USP45: variants seen among roughly 807,000 people sequenced by gnomAD.
USP45 encodes ubiquitin specific peptidase 45.
A neutral mutation model predicts 95.8 loss-of-function variants in USP45; 89 were observed. That is an observed-to-expected ratio of 0.93 (90% CI 0.78 to 1.11). USP45 has a LOEUF of 1.11. Among genes scored for constraint, USP45 ranks in the 50% least tolerant of loss-of-function variants. USP45 has a pLI of 0.00. For synonymous variants in USP45, 281 were observed against 316.2 expected, an observed-to-expected ratio of 0.89 and a Z score of 1.18; for missense variants, 898 against 942.5, an observed-to-expected ratio of 0.95 and a Z score of 0.62.
At chr6:99,511,845 GTATATATA>G (rs751350306) in intron 1 of USP45, among the ~76,000 whole-genome samples, 32 of 22,806 alleles carry the variant, frequency 1.4e-3, no homozygotes, top group Admixed American at 2.9e-3. Context: ...GTGAGTGTGT[GTATATATA>G]TATATATATA....
At chr6:99,511,845 GTATATA>G (rs751350306) in intron 1 of USP45, among the ~76,000 whole-genome samples, 84 of 22,790 alleles carry the variant, frequency 3.7e-3, no homozygotes, top group South Asian at 8.5e-3. Context: ...GTGAGTGTGT[GTATATA>G]TATATATATA....
chr6:99,463,710 G>T (rs1012606328), intron 13 of USP45, among the ~76,000 whole-genome samples: 1 of 150,176 alleles, frequency 6.7e-6, no homozygotes, highest in East Asian at 2.0e-4. Context: ...TACTCAGGAG[G>T]CTGAGGCAGG....
In USP45 at chr6:99,464,612, T is replaced by G. The variant is rs149230868; in HGVS notation, c.1300A>C (p.Lys434Gln). ...GATGCTTATGGTCTTACCTTATCTTTAGATGAAGAATGCTTCTTGGCAGCT... is the reference window on the plus strand; with the variant it reads ...GATGCTTATGGTCTTACCTTATCTTGAGATGAAGAATGCTTCTTGGCAGCT... ...PRAAKKHSSS[K>Q]DKSQLIHDRK... The change falls in exon 13 of 18, where the codon AAA becomes CAA. Residue 434 changes from lysine (K) to glutamine (Q), a missense_variant. Coordinates refer to ENST00000500704, the MANE Select transcript of USP45 (RefSeq NM_001346022.3). 4 of 1,610,944 alleles carry G rather than the reference T, an allele frequency of 2.5e-6. No individual in the cohort carries two copies. The highest frequency in any genetic ancestry group is 3.4e-5 in the Admixed American group (2 of 59,408).
rs756856545 is a variant in USP45 at position 99,446,149 on chromosome 6, T to C, written c.1623A>G (p.Lys541=). The change falls in exon 14 of 18, where the codon AAA becomes AAG. Residue 541 remains lysine, a synonymous_variant. Coordinates refer to ENST00000500704, the MANE Select transcript of USP45 (RefSeq NM_001346022.3). ...TGTCAGTCTCCTTGGTGTACAGCAG[T>C]TTACCTGCTGACAGAGGGTAAAGGG... The part of the protein sequence containing the change: ...DGPLYPLSAG[K]LLYTKETDSG... 2 of 1,614,022 alleles carry C rather than the reference T, an allele frequency of 1.2e-6. No individual in the cohort carries two copies. The highest frequency in any genetic ancestry group is 2.7e-5 in the African/African-American group (2 of 74,926).
At chr6:99,463,792 C>T (rs1787147088) in intron 13 of USP45, among the ~76,000 whole-genome samples, 1 of 94,122 alleles carries the variant, frequency 1.1e-5, no homozygotes, top group Admixed American at 1.3e-4. Flanking sequence ...CAGAGCGAGA[C>T]TCCATCTCAA....
intron 8 of USP45, among the ~76,000 whole-genome samples, chr6:99,481,261 G>A (rs1362274541): frequency 6.6e-6 from 1 of 152,142 alleles, no homozygotes. Flanking sequence ...TATCAAGCAA[G>A]TTGCAAAAAA....
At position 99,515,090 on chromosome 6, in the gene USP45, G is replaced by A. The variant is rs527646936; in HGVS notation, c.-11+302C>T. ...GTGAAGAGAAATGCGCCGCGATGAGGCGGACGGAAAGGTGTGGGGCCGCCG... is the reference window on the plus strand; with the variant it reads ...GTGAAGAGAAATGCGCCGCGATGAGACGGACGGAAAGGTGTGGGGCCGCCG... On this transcript the variant is annotated intron_variant, in intron 1 of 17. Transcript: ENST00000500704. The A allele has an allele frequency of 2.0e-5, 3 of 152,478 alleles. No homozygotes were observed. In the East Asian group the frequency reaches 5.8e-4, roughly 29 times the overall value. 9.4% of individuals were successfully genotyped at this position (152,478 alleles called of 1,614,324 possible).
In USP45 at chr6:99,438,118, G is replaced by A. The variant is rs183316647; in HGVS notation, c.2161-719C>T. Among the ~76,000 whole-genome samples, 62 of 152,232 alleles carry A rather than the reference G, an allele frequency of 4.1e-4. 1 individual carries two copies. Among genetic ancestry groups the A allele is most frequent in the East Asian group, 1.9e-3 (10 of 5,178 alleles). On this transcript the variant is annotated intron_variant, in intron 16 of 17. Coordinates refer to ENST00000500704, the MANE Select transcript of USP45 (RefSeq NM_001346022.3). ...AGGATTATCTGTAATATCAAAACAC[G>A]AATTAAAATGTCTATAAATTGGGGA...
chr6:99,513,740 G>T (rs866482749), intron 1 of USP45, among the ~76,000 whole-genome samples: 1 of 152,310 alleles, frequency 6.6e-6, no homozygotes, highest in Middle Eastern at 3.4e-3. Context: ...CATATGTAAT[G>T]TCTAAACAGA....
intron 5 of USP45, among the ~76,000 whole-genome samples, chr6:99,499,370 T>C (rs1315098053): frequency 1.3e-5 from 2 of 152,226 alleles, no homozygotes; most frequent in Non-Finnish European, 2.9e-5. Context: ...CAAAATCATA[T>C]CCGGCATTCT....
chr6:99,493,277 T>C (rs748917851), intron 5 of USP45, among the ~76,000 whole-genome samples: 6 of 151,844 alleles, frequency 4.0e-5, no homozygotes, highest in Non-Finnish European at 8.8e-5. Context: ...CCACCCTCCT[T>C]GGCCTCCCAA....
At position 99,434,562 on chromosome 6, in the gene USP45, GA is replaced by G. The variant is rs1288421158; in HGVS notation, c.*1153del. 1 of 151,984 alleles carries G rather than the reference GA, an allele frequency of 6.6e-6. No homozygotes were observed. Among genetic ancestry groups the G allele is most frequent in the Non-Finnish European group, 1.5e-5 (1 of 67,990 alleles). 9.4% of individuals were successfully genotyped at this position (151,984 alleles called of 1,614,324 possible). On this transcript the variant is annotated 3_prime_UTR_variant, in exon 18 of 18. Transcript: ENST00000500704. ...GCTCAATAATTTGTATTCTAGAGGG[GA>G]AAAATGATATTTTTGCTATTATTTA...
chr6:99,490,304 C>T (rs1005286894), intron 5 of USP45, among the ~76,000 whole-genome samples: 7 of 151,980 alleles, frequency 4.6e-5, no homozygotes, highest in African/African-American at 1.2e-4. Context: ...GCTGAGATTA[C>T]AGGCACCTAC....
At chr6:99,465,205 A>G in intron 11 of USP45, 69 bp from the exon 12 acceptor site, 1 of 1,339,000 alleles carries the variant, frequency 7.5e-7, no homozygotes, top group Non-Finnish European at 1.0e-6. Context: ...TGTAAAGTAC[A>G]AAGAAATCAA....
rs190313976 is a variant in USP45 at position 99,445,602 on chromosome 6, T to C, written c.1975+195A>G. On this transcript the variant is annotated intron_variant, in intron 14 of 17. Coordinates refer to ENST00000500704, the MANE Select transcript of USP45 (RefSeq NM_001346022.3). ...AGGCAGAGTTGTATACTTCCTGCTC[T>C]TTATTTAAATAAAAAAACTTGAAAA... is the stretch of plus-strand genomic sequence containing the variant. 2.2e-3 allele frequency among the ~76,000 whole-genome samples: 332 copies of C among 152,322 alleles called. 1 individual carries two copies. Among genetic ancestry groups the C allele is most frequent in the Non-Finnish European group, 3.7e-3 (254 of 68,036 alleles).
intron 12 of USP45, 138 bp downstream of exon 12, chr6:99,464,942 G>T: frequency 1.1e-6 from 1 of 941,242 alleles, no homozygotes; most frequent in Non-Finnish European, 1.5e-6. Flanking sequence ...CCCCAAATCA[G>T]ACTCAATTAT....
At chr6:99,472,603 C>G (rs548050461) in intron 9 of USP45, among the ~76,000 whole-genome samples, 8 of 152,094 alleles carry the variant, frequency 5.3e-5, no homozygotes, top group Non-Finnish European at 5.9e-5. Flanking sequence ...AAAAATAATT[C>G]TAGCAATTGA....
chr6:99,433,014 G>C lies in USP45; in HGVS notation c.*2702C>G, dbSNP rs1413731376. 1 of 152,062 alleles carries C rather than the reference G, an allele frequency of 6.6e-6. No homozygotes were observed. The highest frequency in any genetic ancestry group is 6.6e-5 in the Admixed American group (1 of 15,260). The allele number at this position is 152,062 out of a possible 1,614,324, so 9.4% of individuals were successfully genotyped here. A position where few individuals can be genotyped will look rare whatever the true frequency, so the allele number is the denominator to read the frequency against. ...CTGTCTTCTTTTTATTTATTTTTGA[G>C]ACAGGGTCTCACTCCGTCACTCTGC... On this transcript the variant is annotated 3_prime_UTR_variant, in exon 18 of 18. Coordinates refer to ENST00000500704, the MANE Select transcript of USP45 (RefSeq NM_001346022.3).
intron 9 of USP45, among the ~76,000 whole-genome samples, chr6:99,473,754 C>CA (rs1368977194): frequency 2.7e-3 from 148 of 54,712 alleles, no homozygotes; most frequent in Middle Eastern, 9.4e-3. Flanking sequence ...GACCCTGTCT[C>CA]AAAAAAAAAA....
Sources: allele counts gnomAD v4.1 joint callset (sites outside exome capture counted in the v4.1 genomes callset), GRCh38; gene constraint gnomAD v4.1.1; transcripts MANE v1.5; gene names NCBI Gene and HGNC (gene_info 2026-07-23, HGNC 2026-07-21).